PLCB1: variants seen among roughly 807,000 people sequenced by gnomAD.
PLCB1 encodes 1-phosphatidylinositol 4,5-bisphosphate phosphodiesterase beta-1.
In PLCB1, 46 loss-of-function variants were observed where a neutral mutation model predicts 161.8. The observed-to-expected ratio is 0.28, with a 90% CI of 0.22 to 0.36. The LOEUF (loss-of-function observed/expected upper bound fraction) is 0.36, where lower values mean the gene tolerates loss of function less well. PLCB1 is among the 10% of genes least tolerant of loss of function. PLCB1 has a pLI of 1.00. For synonymous variants in PLCB1, 517 were observed against 503.7 expected (o/e 1.03, Z -0.35); for missense variants, 1,016 against 1,472.5 (o/e 0.69, Z 5.07).
intron 10 of PLCB1, among the ~76,000 whole-genome samples, chr20:8,686,444 A>C (rs1990359661): frequency 6.6e-6 from 1 of 152,220 alleles, no homozygotes; most frequent in Admixed American, 6.5e-5. Context: ...ATTTTTTACG[A>C]ATAATCTTTT....
intron 3 of PLCB1, among the ~76,000 whole-genome samples, chr20:8,523,496 C>CTCTCTATATATATATATATATA: frequency 5.8e-5 from 3 of 51,656 alleles, no homozygotes; most frequent in South Asian, 6.6e-4. Context: ...CTCTCTCTCT[C>CTCTCTATATATATATATATATA]TATATATATA....
chr20:8,215,927 A>G (rs1406792614), intron 2 of PLCB1, among the ~76,000 whole-genome samples: 2 of 152,064 alleles, frequency 1.3e-5, no homozygotes, highest in African/African-American at 2.4e-5. Flanking sequence ...TACTTTATGC[A>G]GAGTTAATTG....
Position 8,261,585 on chromosome 20 carries a change from G to T in PLCB1, c.178-109797G>T, listed in dbSNP as rs549029370. On this transcript the variant is annotated intron_variant, in intron 2 of 31. Coordinates refer to ENST00000338037, the MANE Select transcript of PLCB1 (RefSeq NM_015192.4). ...ATGAGCCATTAATGGTTGACCAGGG[G>T]ATCTGGGAGAGTATAACTAGAAAAT... is the stretch of plus-strand genomic sequence containing the variant. Among the ~76,000 whole-genome samples, 15 of 152,160 alleles carry T rather than the reference G, an allele frequency of 9.9e-5. 1 individual carries two copies. The South Asian group carries it at 3.1e-3, about 32-fold the overall frequency.
chr20:8,744,667 A>ATAAAAAAATAAAG (rs1981077894), intron 23 of PLCB1, among the ~76,000 whole-genome samples: 3 of 149,988 alleles, frequency 2.0e-5, no homozygotes, highest in African/African-American at 7.5e-5. Flanking sequence ...AAAAAATAAA[A>ATAAAAAAATAAAG]TTGTTTGTAA....
chr20:8,590,836 T>C (rs6055932), intron 3 of PLCB1, among the ~76,000 whole-genome samples: 1 of 152,016 alleles, frequency 6.6e-6, no homozygotes, highest in African/African-American at 2.4e-5. Context: ...TTTTTTTAAG[T>C]TCTGGGGTCC....
At chr20:8,446,154 C>T (rs1269006398) in intron 3 of PLCB1, among the ~76,000 whole-genome samples, 1 of 152,094 alleles carries the variant, frequency 6.6e-6, no homozygotes, top group African/African-American at 2.4e-5. Context: ...ATGCAAAAAT[C>T]CTCAATAAAA....
At chr20:8,796,322 G>C (rs1034082992) in intron 31 of PLCB1, among the ~76,000 whole-genome samples, 3 of 151,972 alleles carry the variant, frequency 2.0e-5, no homozygotes, top group Non-Finnish European at 4.4e-5. Flanking sequence ...AGTTAGTCTT[G>C]TTAGACCTAC....
chr20:8,585,155 A>C (rs1389205504), intron 3 of PLCB1, among the ~76,000 whole-genome samples: 1 of 152,088 alleles, frequency 6.6e-6, no homozygotes, highest in Non-Finnish European at 1.5e-5. Context: ...TGGGGGGCAA[A>C]ATGCTTCCAA....
At chr20:8,701,494 C>T (rs973609223) in intron 11 of PLCB1, among the ~76,000 whole-genome samples, 13 of 152,308 alleles carry the variant, frequency 8.5e-5, no homozygotes, top group African/African-American at 2.6e-4. Flanking sequence ...CACTCCCAAT[C>T]CCCACACTAC....
intron 3 of PLCB1, among the ~76,000 whole-genome samples, chr20:8,485,508 G>C (rs1982681095): frequency 6.6e-6 from 1 of 152,130 alleles, no homozygotes; most frequent in South Asian, 2.1e-4. Context: ...TAAGGATCAG[G>C]GTTTAGTGAT....
At chr20:8,687,273 C>T in intron 10 of PLCB1, among the ~76,000 whole-genome samples, 1 of 152,180 alleles carries the variant, frequency 6.6e-6, no homozygotes, top group South Asian at 2.1e-4. Flanking sequence ...AATCCTTCTG[C>T]CTCAGCCTCC....
intron 3 of PLCB1, among the ~76,000 whole-genome samples, chr20:8,523,486 CTCT>C (rs1361978419): frequency 6.5e-5 from 4 of 61,172 alleles, no homozygotes; most frequent in African/African-American, 2.7e-4. Context: ...CTCTCTCTCT[CTCT>C]CTCTCTCTAT....
intron 2 of PLCB1, among the ~76,000 whole-genome samples, chr20:8,291,018 C>A (rs1983357645): frequency 6.7e-6 from 1 of 150,156 alleles, no homozygotes; most frequent in Admixed American, 6.6e-5. Context: ...TTTTAGTGGA[C>A]CCTCCAGTAA....
rs1222829829 is a variant in PLCB1, at chr20:8,267,033, G to A, written c.178-104349G>A. On this transcript the variant is annotated intron_variant, in intron 2 of 31. Coordinates refer to ENST00000338037, the MANE Select transcript of PLCB1 (RefSeq NM_015192.4). ...GTCTGGGCAACGAGAGCGAGACTTC[G>A]TCTAAAAAAAAAAAAAGGGAAAAAA... Among the ~76,000 whole-genome samples, 15 of 142,004 alleles carry A rather than the reference G, an allele frequency of 1.1e-4. No homozygotes were observed. In the South Asian group the frequency reaches 2.2e-3, roughly 21 times the overall value. The allele number at this position is 142,004 out of a possible 152,430, so 93.2% of individuals were successfully genotyped here.
chr20:8,324,951 A>G (rs1417944751), intron 2 of PLCB1, among the ~76,000 whole-genome samples: 2 of 152,238 alleles, frequency 1.3e-5, no homozygotes, highest in Non-Finnish European at 2.9e-5. Context: ...CCAAGAATGA[A>G]AATACTAAAG....
chr20:8,448,929 C>T (rs1980954501), intron 3 of PLCB1, among the ~76,000 whole-genome samples: 1 of 152,138 alleles, frequency 6.6e-6, no homozygotes, highest in Non-Finnish European at 1.5e-5. Flanking sequence ...TTGGAGGTCT[C>T]TTCTAGTCCT....
chr20:8,314,127 T>C (rs114576788), intron 2 of PLCB1, among the ~76,000 whole-genome samples: 134 of 152,308 alleles, frequency 8.8e-4, no homozygotes, highest in African/African-American at 3.1e-3. Context: ...ACATCTGAGA[T>C]GGCATCTCGA....
At chr20:8,315,063 G>T (rs1382175512) in intron 2 of PLCB1, among the ~76,000 whole-genome samples, 2 of 152,124 alleles carry the variant, frequency 1.3e-5, no homozygotes, top group South Asian at 4.1e-4. Context: ...GATATAAAGT[G>T]GGGGAGAGCA....
chr20:8,706,948 C>A (rs924905497), intron 11 of PLCB1, among the ~76,000 whole-genome samples: 4 of 152,144 alleles, frequency 2.6e-5, no homozygotes, highest in African/African-American at 9.7e-5. Context: ...TTCCCAAGGT[C>A]ACACAGCTTG....
Sources: allele counts gnomAD v4.1 joint callset (sites outside exome capture counted in the v4.1 genomes callset), GRCh38; gene constraint gnomAD v4.1.1; transcripts MANE v1.5; gene names NCBI Gene and HGNC (gene_info 2026-07-23, HGNC 2026-07-21).